FER: variants seen among roughly 807,000 people sequenced by gnomAD.
The protein encoded by FER is tyrosine-protein kinase Fer.
A neutral mutation model predicts 111.0 loss-of-function variants in FER; 63 were observed. That is an observed-to-expected ratio of 0.57 (90% CI 0.46 to 0.70). The LOEUF is 0.70. Ranked by LOEUF, FER falls within the 30% of genes least tolerant of loss-of-function variation. The probability of loss-of-function intolerance (pLI) is 0.00; values close to 1 mark genes in which losing one functional copy is unlikely to be tolerated. For synonymous variants in FER, 327 were observed against 313.9 expected (o/e 1.04, Z -0.44); for missense variants, 914 against 954.0 (o/e 0.96, Z 0.55).
intron 10 of FER, among the ~76,000 whole-genome samples, chr5:108,931,133 C>T (rs1754608125): frequency 6.6e-6 from 1 of 152,106 alleles, no homozygotes; most frequent in Non-Finnish European, 1.5e-5. Context: ...ATATAGTGTT[C>T]ATAGAAGATT....
chr5:108,836,273 G>T (rs1316535178), intron 5 of FER, among the ~76,000 whole-genome samples: 4 of 151,910 alleles, frequency 2.6e-5, no homozygotes, highest in Non-Finnish European at 4.4e-5. Context: ...TTCATAAGAA[G>T]TCTTAAAAAT....
intron 16 of FER, among the ~76,000 whole-genome samples, chr5:109,052,613 A>G (rs1177954): frequency 0.99 from 150,493 of 152,344 alleles, 74,335 homozygotes; most frequent in East Asian, 1. Flanking sequence ...CTTTCCTCAC[A>G]CCTTCCCCCA....
chr5:109,028,106 T>A (rs1769024108), intron 13 of FER, among the ~76,000 whole-genome samples: 1 of 152,112 alleles, frequency 6.6e-6, no homozygotes, highest in African/African-American at 2.4e-5. Context: ...CGAAGTTGAG[T>A]CATTATTTTT....
At chr5:108,782,707 G>A (rs1057204811) in intron 2 of FER, 2 of 151,916 alleles carry the variant, frequency 1.3e-5, no homozygotes, top group African/African-American at 4.8e-5. Context: ...TGAACTCCTG[G>A]GCTCAAGCAA....
intron 5 of FER, among the ~76,000 whole-genome samples, chr5:108,859,152 CAG>C (rs1306064359): frequency 6.6e-6 from 1 of 152,170 alleles, no homozygotes; most frequent in Non-Finnish European, 1.5e-5. Context: ...TCCTCGCCAA[CAG>C]AGTGTTTCTC....
At chr5:108,908,720 C>CA (rs534004723) in intron 10 of FER, among the ~76,000 whole-genome samples, 3,023 of 69,168 alleles carry the variant, frequency 0.044, 97 homozygotes, top group African/African-American at 0.1. Flanking sequence ...GACTCCGTCT[C>CA]AAAAAAAAAA....
In FER at chr5:109,180,916, C is replaced by CT. The variant is rs752487170; in HGVS notation, c.2203+15_2203+16insT. 8 of 1,556,388 alleles carry CT rather than the reference C, an allele frequency of 5.1e-6. No homozygotes were observed. In the African/African-American group the frequency reaches 9.8e-5, roughly 19 times the overall value. On this transcript the variant is annotated intron_variant, in intron 18 of 19. Coordinates refer to ENST00000281092, the MANE Select transcript of FER (RefSeq NM_005246.4). ...TCTTAATTATGGTAAGAATAGACCA[C>CT]ATTTTTTTTTTAATGGTAAAAATGA... is the stretch of plus-strand genomic sequence containing the variant.
chr5:109,146,162 T>G (rs1001558750), intron 17 of FER, among the ~76,000 whole-genome samples: 1 of 116,928 alleles, frequency 8.6e-6, no homozygotes, highest in Non-Finnish European at 1.9e-5. Context: ...CTGATAGAAT[T>G]ACAGAATTTT....
intron 10 of FER, among the ~76,000 whole-genome samples, chr5:108,922,134 A>G (rs148791170): frequency 0.012 from 1,801 of 152,304 alleles, 18 homozygotes; most frequent in Non-Finnish European, 0.02. Context: ...CAGAAGCTAT[A>G]GGAAGTAAGG....
chr5:109,059,008 G>A (rs527987584), intron 16 of FER, among the ~76,000 whole-genome samples: 1 of 151,922 alleles, frequency 6.6e-6, no homozygotes, highest in South Asian at 2.1e-4. Context: ...CCTAAGTGGT[G>A]GGATTACAGG....
intron 2 of FER, among the ~76,000 whole-genome samples, chr5:108,793,069 A>T (rs1450656467): frequency 6.6e-6 from 1 of 152,206 alleles, no homozygotes; most frequent in Non-Finnish European, 1.5e-5. Context: ...TTAAATTATT[A>T]TTGACTATAG....
intron 13 of FER, among the ~76,000 whole-genome samples, chr5:109,034,155 T>C (rs1199077528): frequency 6.6e-6 from 1 of 152,202 alleles, no homozygotes; most frequent in Non-Finnish European, 1.5e-5. Flanking sequence ...CCCTCACACC[T>C]CCTGTTTCTG....
At chr5:108,893,841 C>G (rs946845532) in intron 9 of FER, among the ~76,000 whole-genome samples, 7 of 152,034 alleles carry the variant, frequency 4.6e-5, no homozygotes, top group African/African-American at 1.7e-4. Context: ...AGTGTTCCTA[C>G]TTACAGTGGA....
chr5:108,797,796 A>G (rs1203634006), intron 2 of FER, among the ~76,000 whole-genome samples: 1 of 152,204 alleles, frequency 6.6e-6, no homozygotes, highest in African/African-American at 2.4e-5. Flanking sequence ...GCTTCTAGTC[A>G]TTTATTTTAA....
chr5:108,897,457 C>G (rs7719821), intron 9 of FER, among the ~76,000 whole-genome samples: 33,861 of 151,970 alleles, frequency 0.22, 3,939 homozygotes, highest in African/African-American at 0.27. Context: ...TTGGATTTGA[C>G]TCCAAACACT....
At position 109,025,029 on chromosome 5, in the gene FER, A is replaced by G. The variant is rs550531050; in HGVS notation, c.1657-12393A>G. Among the ~76,000 whole-genome samples, 9 of 152,114 alleles carry G rather than the reference A, an allele frequency of 5.9e-5. No homozygotes were observed. The South Asian group carries it at 1.9e-3, about 32-fold the overall frequency. ...GCTGTTTTGGTTACTGTAGCTTTGTAGTATAGTTTGAAGTCAGGTAGCGTG... is the reference window on the plus strand; with the variant it reads ...GCTGTTTTGGTTACTGTAGCTTTGTGGTATAGTTTGAAGTCAGGTAGCGTG... On this transcript the variant is annotated intron_variant, in intron 13 of 19. Transcript: ENST00000281092.
intron 5 of FER, among the ~76,000 whole-genome samples, chr5:108,844,984 GT>G (rs1761728700): frequency 3.5e-5 from 1 of 28,382 alleles, no homozygotes; most frequent in African/African-American, 2.2e-4. Flanking sequence ...TTCATTGCTG[GT>G]GTGTGTGTGT....
chr5:109,116,926 C>T (rs1750322473), intron 17 of FER, among the ~76,000 whole-genome samples: 3 of 152,034 alleles, frequency 2.0e-5, no homozygotes, highest in African/African-American at 7.2e-5. Flanking sequence ...GGCCAAAGAA[C>T]AGAATATGAA....
chr5:108,768,276 C>T (rs1035157200), intron 2 of FER, 38 bp downstream of exon 2: 2 of 152,044 alleles, frequency 1.3e-5, no homozygotes, highest in Non-Finnish European at 1.5e-5. Context: ...GTTACTAAAC[C>T]GTTTTTTATT....
Sources: allele counts gnomAD v4.1 joint callset (sites outside exome capture counted in the v4.1 genomes callset), GRCh38; gene constraint gnomAD v4.1.1; transcripts MANE v1.5; gene names NCBI Gene and HGNC (gene_info 2026-07-23, HGNC 2026-07-21).